The following MMP16 variants were observed in gnomAD, a reference collection of about 807,000 sequenced individuals.
MMP16 encodes the protein matrix metalloproteinase-16.
In MMP16, 12 loss-of-function variants were observed where a neutral mutation model predicts 67.8. That is an observed-to-expected ratio of 0.18 (90% CI 0.11 to 0.29). The LOEUF (loss-of-function observed/expected upper bound fraction) is 0.29. MMP16 is among the 10% of genes least tolerant of loss of function. MMP16 has a pLI of 1.00. For missense variants in MMP16, 475 were observed against 765.7 expected (o/e 0.62, Z 4.48); for synonymous variants, 249 against 255.9 (o/e 0.97, Z 0.26).
intron 4 of MMP16, among the ~76,000 whole-genome samples, chr8:88,134,700 T>C (rs1028907656): frequency 6.6e-6 from 1 of 151,708 alleles, no homozygotes; most frequent in South Asian, 2.1e-4. Flanking sequence ...CTGTTTCCCC[T>C]AGCAGCTTAT....
chr8:88,272,800 A>C (rs1380530182), intron 1 of MMP16, among the ~76,000 whole-genome samples: 2 of 152,228 alleles, frequency 1.3e-5, no homozygotes, highest in East Asian at 3.9e-4. Context: ...TTGTAAGCAC[A>C]CAGAGAAGGG....
chr8:88,045,043 G>C (rs1808180753), intron 9 of MMP16, among the ~76,000 whole-genome samples: 1 of 152,058 alleles, frequency 6.6e-6, no homozygotes, highest in Admixed American at 6.6e-5. Context: ...ATGGATTTCT[G>C]CTTCTGTCAC....
rs1261193558 is a variant in MMP16 at position 88,077,986 on chromosome 8, C to T, written c.1084-3243G>A. On this transcript the variant is annotated intron_variant, in intron 6 of 9. Coordinates refer to ENST00000286614, the MANE Select transcript of MMP16 (RefSeq NM_005941.5). ...TGGGGAGGGAAAGAAAGATGAATAA[C>T]CCTTATGGATCTCTAAATCTGCTAT... Among the ~76,000 whole-genome samples the T allele has an allele frequency of 2.0e-5, 3 of 152,086 alleles. 1 individual carries two copies. Among genetic ancestry groups the T allele is most frequent in the African/African-American group, 2.4e-5 (1 of 41,480 alleles).
intron 1 of MMP16, among the ~76,000 whole-genome samples, chr8:88,325,062 C>A (rs1811516108): frequency 6.6e-6 from 1 of 152,126 alleles, no homozygotes; most frequent in Non-Finnish European, 1.5e-5. Flanking sequence ...AGGCTTAAAT[C>A]TGTGTAATAA....
intron 4 of MMP16, among the ~76,000 whole-genome samples, chr8:88,146,424 A>C (rs2118514209): frequency 6.6e-6 from 1 of 152,032 alleles, no homozygotes; most frequent in East Asian, 1.9e-4. Flanking sequence ...ACTATCCCAA[A>C]ATTTGTGGTA....
intron 1 of MMP16, among the ~76,000 whole-genome samples, chr8:88,265,301 A>G (rs1810458019): frequency 1.4e-5 from 2 of 145,872 alleles, no homozygotes; most frequent in African/African-American, 5.2e-5. Context: ...TTTGGCAGAA[A>G]TGTGGTTTCC....
intron 1 of MMP16, among the ~76,000 whole-genome samples, chr8:88,218,086 T>A (rs933422973): frequency 6.6e-6 from 1 of 152,048 alleles, no homozygotes; most frequent in African/African-American, 2.4e-5. Context: ...CTACTCTTTA[T>A]CTGCTTATTT....
chr8:88,305,308 A>G (rs1482909042), intron 1 of MMP16, among the ~76,000 whole-genome samples: 1 of 152,196 alleles, frequency 6.6e-6, no homozygotes, highest in African/African-American at 2.4e-5. Context: ...GTGTTTAGGG[A>G]CCTACAAAGA....
At chr8:88,093,591 T>G (rs1366810973) in intron 6 of MMP16, among the ~76,000 whole-genome samples, 2 of 151,862 alleles carry the variant, frequency 1.3e-5, no homozygotes, top group Non-Finnish European at 2.9e-5. Flanking sequence ...ACTACCTTAA[T>G]GTTGTTTGGT....
chr8:88,172,592 GAC>G (rs966385664), intron 3 of MMP16, among the ~76,000 whole-genome samples: 4 of 152,104 alleles, frequency 2.6e-5, no homozygotes, highest in African/African-American at 9.7e-5. Context: ...CAGAATAAAA[GAC>G]ACTGACTTAA....
rs569093761 is a variant in MMP16 at position 88,096,793 on chromosome 8, G to T, written c.1083+19714C>A. Among the ~76,000 whole-genome samples, 9 of 151,870 alleles carry T rather than the reference G, an allele frequency of 5.9e-5. No individual in the cohort carries two copies. In the South Asian group the frequency reaches 1.0e-3, roughly 18 times the overall value. On this transcript the variant is annotated intron_variant, in intron 6 of 9. Transcript: ENST00000286614. ...TTATCTAAATATATAGCTATAGGAG[G>T]GTGTATTTTAATTTTTTAAAGGTTC...
At chr8:88,310,595 T>C (rs1032474507) in intron 1 of MMP16, among the ~76,000 whole-genome samples, 7 of 152,110 alleles carry the variant, frequency 4.6e-5, no homozygotes, top group Non-Finnish European at 1.0e-4. Flanking sequence ...TCTACTTGCA[T>C]GGTGGTGTCT....
intron 1 of MMP16, among the ~76,000 whole-genome samples, chr8:88,319,294 C>T (rs933905917): frequency 1.3e-5 from 2 of 152,056 alleles, no homozygotes; most frequent in Non-Finnish European, 2.9e-5. Context: ...ATCAAGTATA[C>T]ATTTGTTTCT....
chr8:88,192,453 C>A (rs1019077967), intron 2 of MMP16, among the ~76,000 whole-genome samples: 1 of 152,146 alleles, frequency 6.6e-6, no homozygotes, highest in South Asian at 2.1e-4. Flanking sequence ...AACTTTTTAC[C>A]TTTCAGAATA....
intron 8 of MMP16, among the ~76,000 whole-genome samples, chr8:88,047,829 A>T (rs973791471): frequency 1.4e-4 from 22 of 152,238 alleles, no homozygotes; most frequent in African/African-American, 5.1e-4. Context: ...ACTGGCTGCT[A>T]TGAGTAAAAG....
chr8:88,167,549 G>T, intron 4 of MMP16, 120 bp downstream of exon 4: 2 of 946,376 alleles, frequency 2.1e-6, no homozygotes, highest in South Asian at 2.0e-5. Context: ...CTTACATATT[G>T]CTTTGGAATT....
At chr8:88,197,358 A>T in intron 1 of MMP16, 52 bp from the exon 2 acceptor site, 2 of 1,445,538 alleles carry the variant, frequency 1.4e-6, no homozygotes, top group African/African-American at 1.5e-5. Flanking sequence ...TTTAACAATA[A>T]TTTTCTGGTA....
intron 1 of MMP16, among the ~76,000 whole-genome samples, chr8:88,280,639 C>T (rs1810718528): frequency 6.6e-6 from 1 of 151,930 alleles, no homozygotes; most frequent in Admixed American, 6.6e-5. Flanking sequence ...GCCTATATTC[C>T]CAGCACTTTG....
intron 6 of MMP16, among the ~76,000 whole-genome samples, chr8:88,097,425 G>A (rs947423655): frequency 2.0e-5 from 3 of 151,270 alleles, no homozygotes; most frequent in African/African-American, 7.3e-5. Flanking sequence ...CAGGAGTTCG[G>A]GAGCAGCTTA....
Sources: gnomAD v4.1 joint callset for allele counts (sites outside exome capture counted in the v4.1 genomes callset) on GRCh38, gnomAD v4.1.1 for gene constraint, MANE v1.5 for transcripts, NCBI Gene and HGNC (gene_info 2026-07-23, HGNC 2026-07-21) for gene names.